The following RNLS variants were observed in gnomAD, a reference collection of about 807,000 sequenced individuals.
The protein encoded by RNLS is renalase.
RNLS carries 39 observed loss-of-function variants against 39.8 expected under a neutral mutation model. The ratio of observed to expected loss-of-function variants is 0.98; its 90% CI spans 0.76 to 1.28. The LOEUF (loss-of-function observed/expected upper bound fraction) is 1.28. Ranked by LOEUF, RNLS falls within the 50% of genes most tolerant of loss-of-function variation. RNLS has a pLI of 0.00. For synonymous variants in RNLS, 147 were observed against 150.7 expected (o/e 0.98, Z 0.18); for missense variants, 410 against 413.3 (o/e 0.99, Z 0.07).
chr10:88,279,064 G>A (rs571060159), intron 6 of RNLS, among the ~76,000 whole-genome samples: 5 of 152,292 alleles, frequency 3.3e-5, no homozygotes, highest in African/African-American at 1.2e-4. Flanking sequence ...ACAAGAGTGG[G>A]GAGGCTAGAT....
At position 88,275,135 on chromosome 10, in the gene RNLS, T is replaced by C. The variant is rs960125716; in HGVS notation, c.877-103A>G. ...TGGTTCTTTGCTTTCACGGAACATATATAGACCTGGAATGGGGAGGGTTCT... is the reference window on the plus strand; with the variant it reads ...TGGTTCTTTGCTTTCACGGAACATACATAGACCTGGAATGGGGAGGGTTCT... On this transcript the variant is annotated intron_variant, in intron 6 of 6. Transcript: ENST00000371947. The C allele has an allele frequency of 3.4e-6, 3 of 894,764 alleles. No homozygotes were observed. In the African/African-American group the frequency reaches 5.0e-5, roughly 15 times the overall value. 55.4% of individuals were successfully genotyped at this position (894,764 alleles called of 1,614,324 possible). A position where few individuals can be genotyped will look rare whatever the true frequency, so the allele number is the denominator to read the frequency against.
At chr10:88,272,977 T>C (rs1393360366), downstream of RNLS, among the ~76,000 whole-genome samples, 1 of 152,142 alleles carries the variant, frequency 6.6e-6, no homozygotes, top group Non-Finnish European at 1.5e-5. Flanking sequence ...GGCCCAGGAA[T>C]CTGCATTCTA....
At chr10:88,470,195 A>G (rs1843438827) in intron 4 of RNLS, among the ~76,000 whole-genome samples, 2 of 151,946 alleles carry the variant, frequency 1.3e-5, no homozygotes, top group African/African-American at 2.4e-5. Flanking sequence ...TTTTAAGTTC[A>G]GGGATACATG....
At chr10:88,472,824 T>C (rs1456097079) in intron 4 of RNLS, among the ~76,000 whole-genome samples, 1 of 152,210 alleles carries the variant, frequency 6.6e-6, no homozygotes, top group Non-Finnish European at 1.5e-5. Flanking sequence ...TTTGGAAATC[T>C]ACATTTTTAA....
chr10:88,296,544 A>G (rs1278081164), intron 6 of RNLS, among the ~76,000 whole-genome samples: 1 of 152,174 alleles, frequency 6.6e-6, no homozygotes, highest in East Asian at 1.9e-4. Flanking sequence ...TTTGATCTTC[A>G]GGTCTAGAAA....
chr10:88,265,242 T>C, the RNLS span, among the ~76,000 whole-genome samples: 1 of 152,176 alleles, frequency 6.6e-6, no homozygotes, highest in East Asian at 1.9e-4. Flanking sequence ...TATGGCCTTA[T>C]AGTATAGTTT....
intron 5 of RNLS, among the ~76,000 whole-genome samples, chr10:88,315,127 AGAAAC>A (rs1302137291): frequency 6.6e-6 from 1 of 151,928 alleles, no homozygotes; most frequent in East Asian, 2.0e-4. Context: ...CAGAACAAAA[AGAAAC>A]CAAGCTCCTC....
At chr10:88,276,599 A>G (rs1842822683) in intron 6 of RNLS, among the ~76,000 whole-genome samples, 1 of 152,144 alleles carries the variant, frequency 6.6e-6, no homozygotes, top group Non-Finnish European at 1.5e-5. Context: ...GCTATTTTAT[A>G]GTTATTATTT....
chr10:88,569,487 G>A (rs910055313), intron 4 of RNLS, among the ~76,000 whole-genome samples: 2 of 152,046 alleles, frequency 1.3e-5, no homozygotes, highest in Non-Finnish European at 2.9e-5. Context: ...TCACATTCCT[G>A]GCATGATTCA....
intron 5 of RNLS, among the ~76,000 whole-genome samples, chr10:88,348,329 T>C (rs1427941096): frequency 6.6e-6 from 1 of 152,170 alleles, no homozygotes; most frequent in Non-Finnish European, 1.5e-5. Context: ...GGATAGAAAC[T>C]ATACTCAGTC....
At chr10:88,341,521 T>A (rs1847959583) in intron 5 of RNLS, among the ~76,000 whole-genome samples, 1 of 152,118 alleles carries the variant, frequency 6.6e-6, no homozygotes, top group African/African-American at 2.4e-5. Context: ...CCTTTTCTTG[T>A]GAAGATCATT....
the RNLS span, among the ~76,000 whole-genome samples, chr10:88,219,426 T>A: frequency 6.6e-6 from 1 of 152,320 alleles, no homozygotes; most frequent in South Asian, 2.1e-4. Flanking sequence ...CTACAGTGAT[T>A]TCCTATTAGC....
intron 6 of RNLS, 112 bp from the exon 7 acceptor site, chr10:88,285,618 A>C (rs1335962445): frequency 5.5e-6 from 5 of 914,380 alleles, no homozygotes; most frequent in Non-Finnish European, 6.6e-6. Flanking sequence ...ATTTCTCACA[A>C]GAAGCACCAA....
chr10:88,250,448 A>C, the RNLS span, among the ~76,000 whole-genome samples: 1 of 152,208 alleles, frequency 6.6e-6, no homozygotes, highest in Non-Finnish European at 1.5e-5. Flanking sequence ...AGGTAAATGA[A>C]TGAAATGAAT....
the RNLS span, among the ~76,000 whole-genome samples, chr10:88,253,920 T>C: frequency 1.3e-5 from 2 of 152,230 alleles, no homozygotes; most frequent in Admixed American, 1.3e-4. Context: ...GTAGGAGCTT[T>C]CCACATTAAA....
chr10:88,384,189 A>T (rs1007857317), intron 4 of RNLS, among the ~76,000 whole-genome samples: 1 of 152,202 alleles, frequency 6.6e-6, no homozygotes, highest in African/African-American at 2.4e-5. Context: ...TCCCTGACAT[A>T]GACTATTCTC....
chr10:88,274,641 C>T (rs948751564), exon 7 of RNLS: 3 of 250,962 alleles, frequency 1.2e-5, no homozygotes, highest in Non-Finnish European at 2.4e-5. Flanking sequence ...TGAATAAAGC[C>T]GCTGTGAACA....
At chr10:88,179,580 A>G in the RNLS span, among the ~76,000 whole-genome samples, 1 of 152,262 alleles carries the variant, frequency 6.6e-6, no homozygotes, top group African/African-American at 2.4e-5. Flanking sequence ...CTTTGAATTT[A>G]GGTAATATTA....
the RNLS span, among the ~76,000 whole-genome samples, chr10:88,261,320 C>T: frequency 3.3e-5 from 5 of 152,312 alleles, no homozygotes; most frequent in South Asian, 1.0e-3. Flanking sequence ...CTCTGCCCCC[C>T]ACCACACTAG....
Sources: allele counts gnomAD v4.1 joint callset (sites outside exome capture counted in the v4.1 genomes callset), GRCh38; gene constraint gnomAD v4.1.1; transcripts MANE v1.5; gene names NCBI Gene and HGNC (gene_info 2026-07-23, HGNC 2026-07-21).